Variants in PPIP5K2 observed in about 807,000 individuals in gnomAD.
PPIP5K2 encodes the protein diphosphoinositol pentakisphosphate kinase 2, also known as inositol hexakisphosphate and diphosphoinositol-pentakisphosphate kinase 2.
PPIP5K2 carries 105 observed loss-of-function variants against 154.6 expected under a neutral mutation model. The ratio of observed to expected loss-of-function variants is 0.68; its 90% confidence interval spans 0.58 to 0.80. The LOEUF (loss-of-function observed/expected upper bound fraction) is 0.80. PPIP5K2 is among the 30% of genes least tolerant of loss of function. The probability of loss-of-function intolerance (pLI) is 0.00; values close to 1 mark genes in which losing one functional copy is unlikely to be tolerated. For missense variants in PPIP5K2, 992 were observed against 1,504.6 expected (o/e 0.66, Z 5.64); for synonymous variants, 480 against 490.3 (o/e 0.98, Z 0.28).
intron 29 of PPIP5K2, among the ~76,000 whole-genome samples, chr5:103,192,965 A>G (rs1554227367): frequency 2.6e-5 from 4 of 152,186 alleles, no homozygotes; most frequent in African/African-American, 9.6e-5. Flanking sequence ...CTGTATTCCC[A>G]AGAGTCTTTG....
At chr5:103,120,645 G>T in intron 1 of PPIP5K2, 157 bp downstream of exon 1, 1 of 370,164 alleles carries the variant, frequency 2.7e-6, no homozygotes, top group Non-Finnish European at 5.6e-6. Context: ...CAGCCTGGGC[G>T]TGGAGTGACA....
chr5:103,160,151 C>T (rs1469815950), intron 17 of PPIP5K2, among the ~76,000 whole-genome samples: 1 of 152,062 alleles, frequency 6.6e-6, no homozygotes, highest in Non-Finnish European at 1.5e-5. Context: ...ATATACTACA[C>T]TTTCTTTATT....
chr5:103,140,121 C>T lies in PPIP5K2; in HGVS notation c.487+1652C>T, dbSNP rs141473885. 7.2e-3 allele frequency among the ~76,000 whole-genome samples: 1,029 copies of T among 143,388 alleles called. 7 individuals are homozygous for T. Among genetic ancestry groups the T allele is most frequent in the Non-Finnish European group, 0.013 (859 of 66,658 alleles). 94.1% of individuals were successfully genotyped at this position (143,388 alleles called of 152,430 possible). On this transcript the variant is annotated intron_variant, in intron 5 of 30. Transcript: ENST00000358359. Reference sequence around the variant, plus strand: ...TTTTCTTTAAGAACTTTGGGACCTACGTAGTTAATAAGGGGAAGGGAAAAT... The same window carrying T: ...TTTTCTTTAAGAACTTTGGGACCTATGTAGTTAATAAGGGGAAGGGAAAAT...
intron 8 of PPIP5K2, 63 bp downstream of exon 8, chr5:103,149,376 A>G: frequency 6.9e-7 from 1 of 1,443,750 alleles, no homozygotes; most frequent in South Asian, 1.4e-5. Context: ...TTTTTTGACT[A>G]AGACATTATT....
chr5:103,157,714 C>T (rs1465254836), intron 14 of PPIP5K2, among the ~76,000 whole-genome samples: 2 of 145,714 alleles, frequency 1.4e-5, no homozygotes, highest in Non-Finnish European at 3.1e-5. Context: ...AAAAAAAAAA[C>T]AAAAAAATAT....
intron 14 of PPIP5K2, 119 bp from the exon 15 acceptor site, chr5:103,158,069 A>G (rs1400124438): frequency 9.1e-7 from 1 of 1,100,444 alleles, no homozygotes; most frequent in African/African-American, 1.6e-5. Context: ...TAAGGAAGAA[A>G]ATATCTTACA....
intron 8 of PPIP5K2, among the ~76,000 whole-genome samples, chr5:103,149,908 G>T (rs1794365374): frequency 6.6e-6 from 1 of 151,832 alleles, no homozygotes; most frequent in Non-Finnish European, 1.5e-5. Flanking sequence ...CGTTGGCCAG[G>T]CTCATCTCAA....
chr5:103,131,625 A>G (rs1790633831), intron 2 of PPIP5K2, among the ~76,000 whole-genome samples: 1 of 152,142 alleles, frequency 6.6e-6, no homozygotes, highest in Non-Finnish European at 1.5e-5. Context: ...TTATCACTTT[A>G]CAGAAGCTTG....
Position 103,159,177 on chromosome 5 carries a change from C to T in PPIP5K2, c.1769C>T (p.Pro590Leu). 1.2e-6 allele frequency: 2 copies of T among 1,604,178 alleles called. No homozygotes were observed. The highest frequency in any genetic ancestry group is 2.2e-5 in the East Asian group (1 of 44,446). Residue 590 changes from proline (P) to leucine (L), a missense_variant, in exon 17 of 31, where the codon CCC becomes CTC. Coordinates refer to ENST00000358359, the MANE Select transcript of PPIP5K2 (RefSeq NM_001276277.3). ...GLLALEGELT[P>L]ILVQMVKSAN... ...TTAGCTTTGGAAGGAGAGCTTACACCCATTCTTGTTCAAATGGTGAAAAGT... is the reference window on the plus strand; with the variant it reads ...TTAGCTTTGGAAGGAGAGCTTACACTCATTCTTGTTCAAATGGTGAAAAGT...
intron 30 of PPIP5K2, among the ~76,000 whole-genome samples, chr5:103,195,753 A>G (rs1307170507): frequency 1.3e-5 from 2 of 152,104 alleles, no homozygotes; most frequent in Non-Finnish European, 2.9e-5. Context: ...TTCTTACCAT[A>G]TATCTTTTTT....
In PPIP5K2 at chr5:103,211,527, C is replaced by G. The variant is rs1803807164; in HGVS notation, c.*9893C>G. On this transcript the variant is annotated 3_prime_UTR_variant, in exon 31 of 31. Coordinates refer to ENST00000358359, the MANE Select transcript of PPIP5K2 (RefSeq NM_001276277.3). ...GTAATGTTAGCCTTGGAGATTCTAC[C>G]TTAAAAATATCATTGAGAAAGCTCA... is the stretch of plus-strand genomic sequence containing the variant. The G allele has an allele frequency of 6.6e-6, 1 of 152,014 alleles. No individual in the cohort carries two copies. The highest frequency in any genetic ancestry group is 2.4e-5 in the African/African-American group (1 of 41,392). The allele number at this position is 152,014 out of a possible 1,614,324, so 9.4% of individuals were successfully genotyped here.
chr5:103,158,999 C>A, intron 16 of PPIP5K2, 147 bp from the exon 17 acceptor site: 2 of 618,366 alleles, frequency 3.2e-6, no homozygotes, highest in Admixed American at 3.9e-5. Flanking sequence ...TCAAGTAAAA[C>A]TCTAAAATGA....
Position 103,184,730 on chromosome 5 carries a change from A to G in PPIP5K2, c.3155A>G (p.Gln1052Arg). The G allele has an allele frequency of 6.2e-7, 1 of 1,612,012 alleles. No homozygotes were observed. Among genetic ancestry groups the G allele is most frequent in the Non-Finnish European group, 8.5e-7 (1 of 1,178,260 alleles). ...RTPRTLVEQKQNPTVGSHCAG... is the reference protein window; with the variant it reads ...RTPRTLVEQKRNPTVGSHCAG... ...CCAAGAACTCTTGTGGAACAGAAGC[A>G]GAATCCTACTGTAGGTATGTGGTGT... Residue 1052 changes from glutamine to arginine, a missense_variant, in exon 26 of 31, where the codon CAG (glutamine) becomes CGG (arginine). By Grantham distance (43) the Gln-to-Arg change is conservative. This residue lies in a region of PPIP5K2 where 204 missense variants were observed against 224.0 expected (regional missense o/e 0.91). Transcript: ENST00000358359.
intron 1 of PPIP5K2, among the ~76,000 whole-genome samples, chr5:103,122,304 G>A: frequency 6.6e-6 from 1 of 152,176 alleles, no homozygotes; most frequent in East Asian, 1.9e-4. Flanking sequence ...CATAGAAGAT[G>A]GGAGAGGGTT....
intron 17 of PPIP5K2, among the ~76,000 whole-genome samples, chr5:103,162,748 A>C (rs1288652344): frequency 6.6e-6 from 1 of 152,028 alleles, no homozygotes; most frequent in Non-Finnish European, 1.5e-5. Flanking sequence ...GCATTTTAAT[A>C]TATTGTTTAA....
At chr5:103,148,596 C>A (rs1332695110) in intron 7 of PPIP5K2, among the ~76,000 whole-genome samples, 1 of 152,152 alleles carries the variant, frequency 6.6e-6, no homozygotes. Context: ...AGGATAATAA[C>A]CAGATTCATA....
chr5:103,140,637 CAG>C (rs1792414831), intron 5 of PPIP5K2, among the ~76,000 whole-genome samples: 1 of 151,774 alleles, frequency 6.6e-6, no homozygotes, highest in Admixed American at 6.6e-5. Flanking sequence ...ATCACGAGGT[CAG>C]GAGATCGAGA....
chr5:103,120,464 C>T lies in PPIP5K2; in HGVS notation c.-309C>T, dbSNP rs782644621. 17 of 456,572 alleles carry T rather than the reference C, an allele frequency of 3.7e-5. No homozygotes were observed. Among genetic ancestry groups the T allele is most frequent in the Non-Finnish European group, 4.8e-5 (11 of 226,960 alleles). The allele number at this position is 456,572 out of a possible 1,614,324, so 28.3% of individuals were successfully genotyped here. A position where few individuals can be genotyped will look rare whatever the true frequency, so the allele number is the denominator to read the frequency against. On this transcript the variant is annotated 5_prime_UTR_variant, in exon 1 of 31. Coordinates refer to ENST00000358359, the MANE Select transcript of PPIP5K2 (RefSeq NM_001276277.3). ...TGGGCTTGACCATCTCACAACTGCT[C>T]GCGTGACGACCGCATTCGTGGCAGG...
Position 103,158,232 on chromosome 5 carries a change from G to T in PPIP5K2, c.1534G>T (p.Gly512Ter), listed in dbSNP as rs150861233. The change falls in exon 15 of 31, where the codon GGA becomes TGA. Residue 512 changes from glycine (G) to a stop codon, truncating the protein, a stop_gained. Transcript: ENST00000358359. LOFTEE classifies it high-confidence loss of function. ...ATCTTTACTTTTGGTTCTAAAATGG[G>T]GAGGTGAATTAACTCCTGCAGGCAG... ...EPSLLLVLKW[G>*]GELTPAGRVQ... The T allele has an allele frequency of 6.2e-7, 1 of 1,613,948 alleles. No individual in the cohort carries two copies. Among genetic ancestry groups the T allele is most frequent in the Admixed American group, 1.7e-5 (1 of 60,022 alleles).
Sources: gnomAD v4.1 joint callset for allele counts (sites outside exome capture counted in the v4.1 genomes callset) on GRCh38, gnomAD v4.1.1 for gene constraint, gnomAD v4.1.1 regional missense constraint, MANE v1.5 for transcripts, NCBI Gene and HGNC (gene_info 2026-07-23, HGNC 2026-07-21) for gene names.